PPP3R1: variants seen among roughly 807,000 people sequenced by gnomAD.
PPP3R1 encodes calcineurin subunit B type 1.
In PPP3R1, 5 loss-of-function variants were observed where a neutral mutation model predicts 22.6. That is an observed-to-expected ratio of 0.22 (90% CI 0.12 to 0.46). The LOEUF is 0.46. Among genes scored for constraint, PPP3R1 ranks in the 20% least tolerant of loss-of-function variants. PPP3R1 has a pLI of 0.99. For missense variants in PPP3R1, 61 were observed against 203.2 expected (o/e 0.30, Z 4.25); for synonymous variants, 56 against 65.2 (o/e 0.86, Z 0.68).
chr2:68,207,603 T>G (rs890237891), intron 2 of PPP3R1, among the ~76,000 whole-genome samples: 1 of 152,236 alleles, frequency 6.6e-6, no homozygotes, highest in African/African-American at 2.4e-5. Flanking sequence ...GAAAAGAATC[T>G]GTGAACTATG....
At chr2:68,215,289 TA>T (rs950463757) in intron 2 of PPP3R1, among the ~76,000 whole-genome samples, 1 of 150,552 alleles carries the variant, frequency 6.6e-6, no homozygotes, top group African/African-American at 2.4e-5. Flanking sequence ...AATAAAAGTT[TA>T]AAAAAAAACA....
At chr2:68,212,109 C>T (rs554984096) in intron 2 of PPP3R1, among the ~76,000 whole-genome samples, 85 of 152,134 alleles carry the variant, frequency 5.6e-4, no homozygotes, top group Non-Finnish European at 1.0e-3. Context: ...GAGACAAGGT[C>T]TCGCTCTGTC....
At chr2:68,220,110 G>GTTT (rs890051325) in intron 1 of PPP3R1, among the ~76,000 whole-genome samples, 1 of 152,148 alleles carries the variant, frequency 6.6e-6, no homozygotes, top group Non-Finnish European at 1.5e-5. Context: ...AAACAAAAGA[G>GTTT]GTAAAGCCCT....
chr2:68,235,318 G>A (rs982425554), intron 1 of PPP3R1, among the ~76,000 whole-genome samples: 1 of 151,406 alleles, frequency 6.6e-6, no homozygotes, highest in Non-Finnish European at 1.5e-5. Context: ...ATCAAATTTA[G>A]AGCATATTTA....
intron 2 of PPP3R1, among the ~76,000 whole-genome samples, chr2:68,213,223 G>C (rs1345639608): frequency 1.3e-5 from 2 of 152,216 alleles, no homozygotes; most frequent in Admixed American, 1.3e-4. Flanking sequence ...AGGAGGCCTA[G>C]CTTTTGGCCT....
intron 2 of PPP3R1, among the ~76,000 whole-genome samples, chr2:68,199,909 T>G (rs949808354): frequency 6.6e-6 from 1 of 152,188 alleles, no homozygotes; most frequent in African/African-American, 2.4e-5. Flanking sequence ...GATTTTATTA[T>G]AATGTCTTTG....
At chr2:68,228,157 T>G (rs1200487470) in intron 1 of PPP3R1, among the ~76,000 whole-genome samples, 1 of 152,096 alleles carries the variant, frequency 6.6e-6, no homozygotes, top group Non-Finnish European at 1.5e-5. Flanking sequence ...TGTTTTGTCT[T>G]GGGTTTTATT....
At chr2:68,220,174 G>C (rs768907674) in intron 1 of PPP3R1, among the ~76,000 whole-genome samples, 2 of 152,174 alleles carry the variant, frequency 1.3e-5, no homozygotes, top group Non-Finnish European at 2.9e-5. Context: ...TTGCAGCACA[G>C]GAACAGAGAA....
chr2:68,202,427 GTTGTTGTTGTTT>G (rs911591597), intron 2 of PPP3R1, among the ~76,000 whole-genome samples: 24 of 145,532 alleles, frequency 1.6e-4, no homozygotes, highest in African/African-American at 3.8e-4. Flanking sequence ...TGTTGTTGTT[GTTGTTGTTGTTT>G]TTTGAGATGG....
chr2:68,192,972 T>A (rs1450643105), intron 2 of PPP3R1, among the ~76,000 whole-genome samples: 1 of 152,180 alleles, frequency 6.6e-6, no homozygotes, highest in Non-Finnish European at 1.5e-5. Context: ...GAGACACCTA[T>A]CAATTTTTCT....
chr2:68,218,375 C>CT (rs1201507250), intron 1 of PPP3R1, among the ~76,000 whole-genome samples: 1 of 152,012 alleles, frequency 6.6e-6, no homozygotes, highest in African/African-American at 2.4e-5. Flanking sequence ...AATAGCTAGT[C>CT]TTTTTCTTGC....
At chr2:68,233,012 TTTC>T (rs1456773365) in intron 1 of PPP3R1, among the ~76,000 whole-genome samples, 1 of 152,176 alleles carries the variant, frequency 6.6e-6, no homozygotes, top group African/African-American at 2.4e-5. Flanking sequence ...TCACAAACAC[TTTC>T]TTATTTGCTT....
intron 1 of PPP3R1, among the ~76,000 whole-genome samples, chr2:68,235,257 T>C (rs1190762482): frequency 1.3e-5 from 2 of 152,150 alleles, no homozygotes; most frequent in African/African-American, 4.8e-5. Context: ...ATCTAAAGTA[T>C]ACAACTCAAT....
chr2:68,219,988 G>T (rs1204674773), intron 1 of PPP3R1, among the ~76,000 whole-genome samples: 1 of 152,102 alleles, frequency 6.6e-6, no homozygotes, highest in East Asian at 1.9e-4. Context: ...ATCTGCCCAT[G>T]GGGGAGAAAT....
chr2:68,188,731 TGTTC>T (rs1197063908), intron 2 of PPP3R1, 41 bp from the exon 3 acceptor site: 1 of 1,511,720 alleles, frequency 6.6e-7, no homozygotes, highest in East Asian at 2.4e-5. Flanking sequence ...TTTTTAAAAA[TGTTC>T]CCAAATCCTT....
At chr2:68,228,338 T>C (rs927037748) in intron 1 of PPP3R1, among the ~76,000 whole-genome samples, 1 of 152,162 alleles carries the variant, frequency 6.6e-6, no homozygotes, top group South Asian at 2.1e-4. Context: ...TGTTGGTCCA[T>C]AGTTATCTTT....
intron 2 of PPP3R1, among the ~76,000 whole-genome samples, chr2:68,205,391 C>T (rs1675097530): frequency 1.3e-5 from 2 of 151,836 alleles, no homozygotes; most frequent in South Asian, 4.2e-4. Flanking sequence ...TACAGGCATG[C>T]ACCACCATGC....
chr2:68,208,359 T>C lies in PPP3R1; in HGVS notation c.43+8733A>G, dbSNP rs1669379476. Among the ~76,000 whole-genome samples the C allele has an allele frequency of 2.0e-5, 3 of 152,230 alleles. No homozygotes were observed. The South Asian group carries it at 6.2e-4, about 32-fold the overall frequency. On this transcript the variant is annotated intron_variant, in intron 2 of 5. Transcript: ENST00000234310. ...GTAAGCTTTTTTCTAAAAGGCCAGG[T>C]GGTAAATATTTTAGGCTTTGTTGAC...
At chr2:68,218,629 T>A (rs979854277) in intron 1 of PPP3R1, among the ~76,000 whole-genome samples, 1 of 152,082 alleles carries the variant, frequency 6.6e-6, no homozygotes, top group African/African-American at 2.4e-5. Context: ...ATGTTTTTTT[T>A]TCCTTATTCC....
Sources: allele counts gnomAD v4.1 joint callset (sites outside exome capture counted in the v4.1 genomes callset), GRCh38; gene constraint gnomAD v4.1.1; transcripts MANE v1.5; gene names NCBI Gene and HGNC (gene_info 2026-07-23, HGNC 2026-07-21).